DLGAP1: variants seen among roughly 807,000 people sequenced by gnomAD.
The protein encoded by DLGAP1 is disks large-associated protein 1.
In DLGAP1, 11 loss-of-function variants were observed where a neutral mutation model predicts 90.8. The observed-to-expected ratio is 0.12, with a 90% confidence interval of 0.08 to 0.20. The LOEUF (loss-of-function observed/expected upper bound fraction) is 0.20, where lower values mean the gene tolerates loss of function less well. Ranked by LOEUF, DLGAP1 falls within the 10% of genes least tolerant of loss-of-function variation. The pLI is 1.00. For synonymous variants in DLGAP1, 558 were observed against 540.7 expected, an observed-to-expected ratio of 1.03 and a Z score of -0.44; for missense variants, 1,050 against 1,333.8, an observed-to-expected ratio of 0.79 and a Z score of 3.31.
rs1302556826 is a variant in DLGAP1 at position 3,502,645 on chromosome 18, T to C, written c.2572A>G (p.Asn858Asp). The C allele has an allele frequency of 6.2e-7, 1 of 1,608,732 alleles. No individual in the cohort carries two copies. The highest frequency in any genetic ancestry group is 2.2e-5 in the East Asian group (1 of 44,826). The change falls in exon 12 of 13, where the codon AAT (asparagine) becomes GAT (aspartate). Residue 858 changes from asparagine to aspartate, a missense_variant and splice_region_variant. Around this residue, in one of 2 missense-constraint regions of DLGAP1, gnomAD observed 565 missense variants for 879.7 expected, o/e 0.64. Transcript: ENST00000315677. ...GTGGGTCTTGGATGAGCATTAGGAT[T>C]CTGCACAAGAGAAAGAAAAACATTC... is the stretch of plus-strand genomic sequence containing the variant. Reference protein sequence around the residue: ...QFRELCEENLNPNAHPRPTSQ... With the variant: ...QFRELCEENLDPNAHPRPTSQ...
chr18:3,525,199 C>T (rs1330624071), intron 10 of DLGAP1, among the ~76,000 whole-genome samples: 1 of 151,806 alleles, frequency 6.6e-6, no homozygotes, highest in Non-Finnish European at 1.5e-5. Context: ...AGGAGCCTTA[C>T]TCGTAGAAGA....
At chr18:3,553,077 C>CT (rs1489146785) in intron 9 of DLGAP1, among the ~76,000 whole-genome samples, 37 of 151,772 alleles carry the variant, frequency 2.4e-4, no homozygotes, top group Admixed American at 1.5e-3. Flanking sequence ...CATGTGTATC[C>CT]TTTTTTTTCA....
chr18:3,748,252 G>A (rs1431942141), intron 5 of DLGAP1, among the ~76,000 whole-genome samples: 2 of 152,204 alleles, frequency 1.3e-5, no homozygotes, highest in African/African-American at 2.4e-5. Context: ...GTGACAGTGA[G>A]CCAACCACAC....
At chr18:4,239,434 C>T (rs562852079) in intron 1 of DLGAP1, among the ~76,000 whole-genome samples, 5 of 152,196 alleles carry the variant, frequency 3.3e-5, no homozygotes, top group South Asian at 2.1e-4. Flanking sequence ...ATTGAATAAG[C>T]AATTTTACCT....
chr18:4,107,925 G>A (rs1016847360), intron 2 of DLGAP1, among the ~76,000 whole-genome samples: 4 of 152,076 alleles, frequency 2.6e-5, no homozygotes, highest in South Asian at 2.1e-4. Context: ...TTTACTCTAA[G>A]AATTGAAAAA....
intron 3 of DLGAP1, among the ~76,000 whole-genome samples, chr18:3,882,394 G>C (rs796676649): frequency 1.3e-5 from 2 of 151,894 alleles, no homozygotes; most frequent in African/African-American, 4.8e-5. Context: ...TTAGCTGGGA[G>C]TGGTGGTGCA....
At chr18:4,232,843 C>A (rs2145065256) in intron 1 of DLGAP1, among the ~76,000 whole-genome samples, 1 of 152,242 alleles carries the variant, frequency 6.6e-6, no homozygotes, top group Admixed American at 6.5e-5. Flanking sequence ...AAACCGCCAG[C>A]ACCTTTTGTG....
chr18:3,639,954 C>G (rs1456492685), intron 7 of DLGAP1, among the ~76,000 whole-genome samples: 1 of 150,986 alleles, frequency 6.6e-6, no homozygotes, highest in East Asian at 1.9e-4. Flanking sequence ...CAGGGTTTCA[C>G]CGTGTTAGCC....
At chr18:4,259,668 A>G (rs1190448786) in intron 1 of DLGAP1, among the ~76,000 whole-genome samples, 1 of 152,206 alleles carries the variant, frequency 6.6e-6, no homozygotes, top group Admixed American at 6.5e-5. Context: ...TGGTTGACCA[A>G]TGCCATTACA....
chr18:3,874,264 T>C (rs2070927888), intron 4 of DLGAP1: 2 of 1,549,706 alleles, frequency 1.3e-6, no homozygotes, highest in African/African-American at 1.4e-5. Flanking sequence ...GGGAGTGCTT[T>C]CCTTCTCGGT....
At chr18:3,737,836 C>T (rs2062719820) in intron 6 of DLGAP1, among the ~76,000 whole-genome samples, 1 of 149,170 alleles carries the variant, frequency 6.7e-6, no homozygotes, top group South Asian at 2.2e-4. Flanking sequence ...GTCAAATTGT[C>T]CCTCTTTGCA....
chr18:4,389,589 T>C (rs1215109224), intron 1 of DLGAP1, among the ~76,000 whole-genome samples: 1 of 152,214 alleles, frequency 6.6e-6, no homozygotes, highest in African/African-American at 2.4e-5. Context: ...TGTAGAATGA[T>C]TTTCTATGAT....
chr18:4,015,757 C>T (rs945142672), intron 2 of DLGAP1, among the ~76,000 whole-genome samples: 4 of 152,154 alleles, frequency 2.6e-5, no homozygotes, highest in African/African-American at 7.2e-5. Context: ...TTCCTCTTTG[C>T]TTCGGCTTTT....
At chr18:3,908,965 T>C (rs2071973879) in intron 3 of DLGAP1, among the ~76,000 whole-genome samples, 1 of 152,132 alleles carries the variant, frequency 6.6e-6, no homozygotes, top group South Asian at 2.1e-4. Flanking sequence ...AAGGTATAGT[T>C]TGTGTTTGGA....
intron 3 of DLGAP1, among the ~76,000 whole-genome samples, chr18:3,932,712 C>T (rs755828309): frequency 1.3e-5 from 2 of 152,144 alleles, no homozygotes; most frequent in Non-Finnish European, 2.9e-5. Context: ...ACTTTCCCAG[C>T]CCTAAATACT....
chr18:3,537,018 C>T (rs757385574), intron 9 of DLGAP1, among the ~76,000 whole-genome samples: 1 of 147,222 alleles, frequency 6.8e-6, no homozygotes, highest in Admixed American at 6.9e-5. Flanking sequence ...GTGTCTGTTA[C>T]GATGCCCTGT....
intron 7 of DLGAP1, among the ~76,000 whole-genome samples, chr18:3,714,761 A>C (rs1240001692): frequency 6.7e-6 from 1 of 148,870 alleles, no homozygotes; most frequent in Non-Finnish European, 1.5e-5. Flanking sequence ...AGCCTCCCCG[A>C]GTAGCTGGGA....
intron 7 of DLGAP1, among the ~76,000 whole-genome samples, chr18:3,672,619 A>C (rs1301161797): frequency 8.3e-6 from 1 of 120,760 alleles, no homozygotes; most frequent in African/African-American, 4.7e-5. Context: ...AGTTAATGAG[A>C]AACAGGTAGA....
chr18:4,234,324 T>C (rs966295330), intron 1 of DLGAP1, among the ~76,000 whole-genome samples: 4 of 152,156 alleles, frequency 2.6e-5, no homozygotes, highest in African/African-American at 9.6e-5. Flanking sequence ...TGAAGTGCTC[T>C]TCAGACTAAC....
Sources: gnomAD v4.1 joint callset for allele counts (sites outside exome capture counted in the v4.1 genomes callset) on GRCh38, gnomAD v4.1.1 for gene constraint, gnomAD v4.1.1 regional missense constraint, MANE v1.5 for transcripts, NCBI Gene and HGNC (gene_info 2026-07-23, HGNC 2026-07-21) for gene names.